PARVA: variants seen among roughly 807,000 people sequenced by gnomAD.
PARVA encodes parvin alpha, also known as alpha-parvin.
In PARVA, 25 loss-of-function variants were observed where a neutral mutation model predicts 52.6. The observed-to-expected ratio is 0.48, with a 90% confidence interval of 0.35 to 0.66. PARVA has a LOEUF of 0.66. Ranked by LOEUF, PARVA falls within the 30% of genes least tolerant of loss-of-function variation. The pLI is 0.01. For synonymous variants in PARVA, 185 were observed against 179.1 expected (o/e 1.03, Z -0.26); for missense variants, 373 against 450.9 (o/e 0.83, Z 1.56).
chr11:12,500,334 C>CT (rs1472087487), intron 5 of PARVA, among the ~76,000 whole-genome samples: 2 of 152,160 alleles, frequency 1.3e-5, no homozygotes, highest in Admixed American at 1.3e-4. Flanking sequence ...CCTGACTTGA[C>CT]TGCGGGCACA....
rs7104689 is a variant in PARVA at position 12,534,061 on chromosome 11, A to G, written c.*6136A>G. Among the ~76,000 whole-genome samples, 113,925 of 151,974 alleles carry G rather than the reference A, an allele frequency of 0.75. 42,973 individuals carry two copies. Among genetic ancestry groups the G allele is most frequent in the African/African-American group, 0.83 (34,340 of 41,462 alleles). ...TGCGTGCCTGTAATCCCAGCTACTCAGGGGGCTGAGGCAGAAGTATTGCTT... is the reference window on the plus strand; with the variant it reads ...TGCGTGCCTGTAATCCCAGCTACTCGGGGGGCTGAGGCAGAAGTATTGCTT... On this transcript the variant is annotated 3_prime_UTR_variant, in exon 13 of 13. Coordinates refer to ENST00000334956, the MANE Select transcript of PARVA (RefSeq NM_018222.5).
chr11:12,476,089 AG>A (rs1399813453), intron 3 of PARVA, among the ~76,000 whole-genome samples: 1 of 152,180 alleles, frequency 6.6e-6, no homozygotes, highest in Non-Finnish European at 1.5e-5. Flanking sequence ...GAGACCTCTA[AG>A]GGTAAGGACG....
At chr11:12,492,117 T>C (rs771126914) in intron 4 of PARVA, among the ~76,000 whole-genome samples, 1 of 152,224 alleles carries the variant, frequency 6.6e-6, no homozygotes, top group Non-Finnish European at 1.5e-5. Flanking sequence ...TATATGACAA[T>C]TGTGTTTGTT....
chr11:12,409,506 A>T (rs1939962658), intron 1 of PARVA, among the ~76,000 whole-genome samples: 1 of 152,186 alleles, frequency 6.6e-6, no homozygotes, highest in African/African-American at 2.4e-5. Context: ...ACCGAATGTG[A>T]TCACAAGTGT....
At chr11:12,425,689 A>G (rs903529634) in intron 1 of PARVA, among the ~76,000 whole-genome samples, 1 of 152,078 alleles carries the variant, frequency 6.6e-6, no homozygotes, top group African/African-American at 2.4e-5. Flanking sequence ...TGTACATCTC[A>G]TATGTCTAAT....
At position 12,534,305 on chromosome 11, in the gene PARVA, G is replaced by T. The variant is rs147877927; in HGVS notation, c.*6380G>T. Among the ~76,000 whole-genome samples, 1 of 152,094 alleles carries T rather than the reference G, an allele frequency of 6.6e-6. No homozygotes were observed. On this transcript the variant is annotated 3_prime_UTR_variant, in exon 13 of 13. Transcript: ENST00000334956. ...TCCAGAAATATGCTTGGAAATCCCC[G>T]CTTGAAATCTCCTTGGTTGGAAACC...
chr11:12,507,691 C>G (rs550608053), intron 6 of PARVA, among the ~76,000 whole-genome samples: 1 of 152,096 alleles, frequency 6.6e-6, no homozygotes, highest in Non-Finnish European at 1.5e-5. Context: ...CACTTTCTGC[C>G]GAGGGTGACC....
chr11:12,504,482 G>C, intron 6 of PARVA, 53 bp downstream of exon 6: 2 of 1,121,544 alleles, frequency 1.8e-6, no homozygotes, highest in Non-Finnish European at 1.3e-6. Context: ...CGTGGAGGTC[G>C]AGTTCCTATG....
chr11:12,535,034 CCTCAT>C lies in PARVA; in HGVS notation c.*7113_*7117del, dbSNP rs1308918075. Among the ~76,000 whole-genome samples, 12 of 152,172 alleles carry C rather than the reference CCTCAT, an allele frequency of 7.9e-5. No homozygotes were observed. The highest frequency in any genetic ancestry group is 7.9e-4 in the Admixed American group (12 of 15,276). The stretch of plus-strand genomic sequence containing the variant: ...GCTAGGCTACGAGAGGCCATGAGCT[CCTCAT>C]CTCTTCTCTGTTCTGAGCTCTCTGA... On this transcript the variant is annotated 3_prime_UTR_variant, in exon 13 of 13. Transcript: ENST00000334956.
chr11:12,524,520 C>T (rs905773105), intron 12 of PARVA, among the ~76,000 whole-genome samples: 6 of 152,216 alleles, frequency 3.9e-5, no homozygotes, highest in Non-Finnish European at 8.8e-5. Context: ...CACCAGGCCC[C>T]CAAATTCCTC....
At chr11:12,413,641 A>G (rs1364833582) in intron 1 of PARVA, among the ~76,000 whole-genome samples, 1 of 152,254 alleles carries the variant, frequency 6.6e-6, no homozygotes, top group Non-Finnish European at 1.5e-5. Flanking sequence ...CCAGCTGCAC[A>G]TGATCTTACG....
In PARVA at chr11:12,473,984, G is replaced by A; in HGVS notation, c.297+1G>A. 2 of 1,571,082 alleles carry A rather than the reference G, an allele frequency of 1.3e-6. No individual in the cohort carries two copies. Among genetic ancestry groups the A allele is most frequent in the Non-Finnish European group, 1.7e-6 (2 of 1,157,992 alleles). ...CCCCAAGCTTCAAGAACTGATGAAG[G>A]TAAGAAGAAATCAGGAGCGGCTTCA... On this transcript the variant is annotated splice_donor_variant, in intron 3 of 12. Transcript: ENST00000334956. LOFTEE classifies it high-confidence loss of function.
intron 1 of PARVA, among the ~76,000 whole-genome samples, chr11:12,430,816 C>G (rs1476491223): frequency 6.6e-6 from 1 of 152,198 alleles, no homozygotes; most frequent in Non-Finnish European, 1.5e-5. Flanking sequence ...CTGATCTCAC[C>G]TCCTAAAAGA....
rs1293006170 is a variant in PARVA at position 12,534,731 on chromosome 11, G to C, written c.*6806G>C. 6.6e-6 allele frequency among the ~76,000 whole-genome samples: 1 copy of C among 152,222 alleles called. No homozygotes were observed. The highest frequency in any genetic ancestry group is 1.5e-5 in the Non-Finnish European group (1 of 68,032). ...TACATGTTTGCTCTGTGTGGAGCCA[G>C]GGTTGGGGCTGCACAACTCTCTGGC... is the stretch of plus-strand genomic sequence containing the variant. On this transcript the variant is annotated 3_prime_UTR_variant, in exon 13 of 13. Transcript: ENST00000334956.
At chr11:12,457,920 TA>T (rs1237334623) in intron 1 of PARVA, among the ~76,000 whole-genome samples, 1 of 152,216 alleles carries the variant, frequency 6.6e-6, no homozygotes, top group Non-Finnish European at 1.5e-5. Context: ...GAGGCTCACC[TA>T]GGGGTGCTCC....
In PARVA at chr11:12,486,521, G is replaced by A. The variant is rs982031891; in HGVS notation, c.400+8572G>A. Among the ~76,000 whole-genome samples the A allele has an allele frequency of 9.9e-5, 15 of 151,612 alleles. No individual in the cohort carries two copies. The South Asian group carries it at 1.9e-3, about 19-fold the overall frequency. On this transcript the variant is annotated intron_variant, in intron 4 of 12. Coordinates refer to ENST00000334956, the MANE Select transcript of PARVA (RefSeq NM_018222.5). ...GTACTCCAGCGTGCACAACAAGAGC[G>A]AAACTCTGTCTCAAAAATAAAAATA...
chr11:12,385,448 A>G (rs1007657863), intron 1 of PARVA, among the ~76,000 whole-genome samples: 1 of 152,222 alleles, frequency 6.6e-6, no homozygotes, highest in Non-Finnish European at 1.5e-5. Flanking sequence ...TTTTTAAAAT[A>G]CAGCAGATCT....
chr11:12,522,436 T>TTTTTTC (rs1941648983), intron 12 of PARVA, among the ~76,000 whole-genome samples: 1 of 149,898 alleles, frequency 6.7e-6, no homozygotes, highest in Non-Finnish European at 1.5e-5. Flanking sequence ...TTTTTTTTTT[T>TTTTTTC]TTCTTGAGAC....
chr11:12,469,752 G>A (rs765313827), intron 1 of PARVA, among the ~76,000 whole-genome samples: 52 of 152,196 alleles, frequency 3.4e-4, no homozygotes, highest in Non-Finnish European at 5.3e-4. Flanking sequence ...ATTTCCAATT[G>A]CAAACATATC....
Sources: allele counts gnomAD v4.1 joint callset (sites outside exome capture counted in the v4.1 genomes callset), GRCh38; gene constraint gnomAD v4.1.1; transcripts MANE v1.5; gene names NCBI Gene and HGNC (gene_info 2026-07-23, HGNC 2026-07-21).